The following BMPER variants were observed in gnomAD, a reference collection of about 807,000 sequenced individuals.
BMPER encodes the protein BMP-binding endothelial regulator protein.
BMPER carries 45 observed loss-of-function variants against 87.3 expected under a neutral mutation model. The ratio of observed to expected loss-of-function variants is 0.52; its 90% CI spans 0.41 to 0.66. BMPER has a LOEUF of 0.66. BMPER is among the 30% of genes least tolerant of loss of function. The pLI is 0.00. For synonymous variants in BMPER, 326 were observed against 316.2 expected (o/e 1.03, Z -0.33); for missense variants, 784 against 867.5 (o/e 0.90, Z 1.21).
At chr7:33,994,236 G>T (rs996426465) in intron 6 of BMPER, among the ~76,000 whole-genome samples, 5 of 152,224 alleles carry the variant, frequency 3.3e-5, no homozygotes, top group African/African-American at 1.2e-4. Context: ...CCGCCTTGCA[G>T]TGTGATCTCA....
chr7:33,927,747 G>GA (rs1191172223), intron 2 of BMPER, among the ~76,000 whole-genome samples: 1 of 152,054 alleles, frequency 6.6e-6, no homozygotes, highest in Non-Finnish European at 1.5e-5. Context: ...GTCACCCCAG[G>GA]ACTGGAAAGC....
intron 2 of BMPER, among the ~76,000 whole-genome samples, chr7:33,915,604 C>CTTCATTG (rs1264098990): frequency 6.6e-6 from 1 of 152,108 alleles, no homozygotes; most frequent in African/African-American, 2.4e-5. Flanking sequence ...CTCTCTGAGC[C>CTTCATTG]TTCATTGTGA....
chr7:34,130,683 T>G (rs1236720703), intron 13 of BMPER, among the ~76,000 whole-genome samples: 1 of 152,138 alleles, frequency 6.6e-6, no homozygotes, highest in South Asian at 2.1e-4. Context: ...ATCGCTCCCA[T>G]GGGGGTGTAG....
At chr7:33,985,046 T>A (rs1444695672) in intron 6 of BMPER, among the ~76,000 whole-genome samples, 2 of 152,314 alleles carry the variant, frequency 1.3e-5, no homozygotes, top group East Asian at 3.9e-4. Context: ...CATTCAAAAA[T>A]GAAGAGGAAT....
chr7:34,119,336 A>G (rs532739089), intron 13 of BMPER, among the ~76,000 whole-genome samples: 4 of 152,316 alleles, frequency 2.6e-5, no homozygotes, highest in African/African-American at 9.6e-5. Flanking sequence ...TTTTTTTTAC[A>G]TAGTTGAAAT....
intron 6 of BMPER, among the ~76,000 whole-genome samples, chr7:34,031,860 A>G (rs1787524074): frequency 1.5e-5 from 2 of 136,942 alleles, no homozygotes; most frequent in African/African-American, 2.6e-5. Context: ...ATGGAGCTGC[A>G]TGGCATTTAA....
intron 13 of BMPER, among the ~76,000 whole-genome samples, chr7:34,106,183 G>T (rs992690844): frequency 6.6e-6 from 1 of 152,038 alleles, no homozygotes; most frequent in African/African-American, 2.4e-5. Context: ...GCTCTTGTTG[G>T]GTTCATATTT....
At chr7:34,031,535 AG>A (rs1442460813) in intron 6 of BMPER, among the ~76,000 whole-genome samples, 1 of 152,016 alleles carries the variant, frequency 6.6e-6, no homozygotes, top group Admixed American at 6.6e-5. Context: ...CTTGGTGCCA[AG>A]GAAAACACAA....
intron 13 of BMPER, among the ~76,000 whole-genome samples, chr7:34,101,788 G>A (rs1457135616): frequency 1.3e-5 from 2 of 152,174 alleles, no homozygotes; most frequent in Non-Finnish European, 2.9e-5. Flanking sequence ...GACTGGGTAA[G>A]AGGCCCTTCC....
At chr7:34,061,863 G>A in intron 10 of BMPER, 139 bp from the exon 11 acceptor site, 1 of 708,258 alleles carries the variant, frequency 1.4e-6, no homozygotes, top group South Asian at 1.8e-5. Flanking sequence ...TCACCATCTG[G>A]GCATTGAGTT....
intron 13 of BMPER, among the ~76,000 whole-genome samples, chr7:34,118,676 A>C (rs529484777): frequency 3.5e-4 from 53 of 152,298 alleles, no homozygotes; most frequent in African/African-American, 1.2e-3. Context: ...ACCATATACA[A>C]ATAGTCAAAT....
chr7:34,152,993 T>C (rs1314727285), intron 14 of BMPER, 99 bp from the exon 15 acceptor site: 17 of 1,355,910 alleles, frequency 1.3e-5, no homozygotes, highest in Admixed American at 1.7e-5. Context: ...TATGGAAACG[T>C]CCATGAAGTG....
intron 4 of BMPER, 151 bp downstream of exon 4, chr7:33,966,712 C>T: frequency 2.8e-6 from 2 of 727,144 alleles, no homozygotes; most frequent in Non-Finnish European, 2.3e-6. Flanking sequence ...TGTGTACTTA[C>T]TGTGTCACCA....
intron 2 of BMPER, among the ~76,000 whole-genome samples, chr7:33,913,913 T>A (rs984336402): frequency 6.6e-6 from 1 of 152,078 alleles, no homozygotes; most frequent in Non-Finnish European, 1.5e-5. Flanking sequence ...AATTATTCAG[T>A]CTGGTAGGTA....
chr7:33,923,027 A>G (rs1450164755), intron 2 of BMPER, among the ~76,000 whole-genome samples: 2 of 152,080 alleles, frequency 1.3e-5, no homozygotes, highest in African/African-American at 4.8e-5. Flanking sequence ...GTGAGTCCCA[A>G]GATGGTTGTG....
At position 34,126,031 on chromosome 7, in the gene BMPER, C is replaced by T. The variant is rs532124331; in HGVS notation, c.1746-17199C>T. Among the ~76,000 whole-genome samples the T allele has an allele frequency of 2.3e-4, 35 of 152,288 alleles. No individual in the cohort carries two copies. The South Asian group carries it at 5.8e-3, about 25-fold the overall frequency. On this transcript the variant is annotated intron_variant, in intron 13 of 14. Transcript: ENST00000649409. ...AGTCCTTCATGGCAGCACTTACATT[C>T]TATTTGGGGAGTGCCACCAAAAATA...
At chr7:34,068,831 G>A (rs1223614731) in intron 11 of BMPER, among the ~76,000 whole-genome samples, 1 of 152,100 alleles carries the variant, frequency 6.6e-6, no homozygotes, top group Non-Finnish European at 1.5e-5. Flanking sequence ...CTTAATATGA[G>A]GTTAGACCTC....
chr7:33,933,333 G>A (rs933523658), intron 2 of BMPER, among the ~76,000 whole-genome samples: 1 of 152,024 alleles, frequency 6.6e-6, no homozygotes, highest in East Asian at 1.9e-4. Flanking sequence ...GCAGACAGAC[G>A]CCTTTGACAG....
At chr7:34,031,927 T>TATATATACAC (rs767536977) in intron 6 of BMPER, among the ~76,000 whole-genome samples, 1 of 55,474 alleles carries the variant, frequency 1.8e-5, no homozygotes, top group Non-Finnish European at 3.4e-5. Flanking sequence ...TATATATATA[T>TATATATACAC]ACACACACAC....
Sources: gnomAD v4.1 joint callset for allele counts (sites outside exome capture counted in the v4.1 genomes callset) on GRCh38, gnomAD v4.1.1 for gene constraint, MANE v1.5 for transcripts, NCBI Gene and HGNC (gene_info 2026-07-23, HGNC 2026-07-21) for gene names.